Variants in ABCB5 observed in about 807,000 individuals in gnomAD.
ABCB5 encodes the protein ATP-binding cassette sub-family B member 5.
ABCB5 carries 155 observed loss-of-function variants against 144.2 expected under a neutral mutation model. The ratio of observed to expected loss-of-function variants is 1.08; its 90% CI spans 0.94 to 1.23. The LOEUF is 1.23. Ranked by LOEUF, ABCB5 falls within the 50% of genes most tolerant of loss-of-function variation. The pLI is 0.00. For synonymous variants in ABCB5, 610 were observed against 528.6 expected, an observed-to-expected ratio of 1.15 and a Z score of -2.11; for missense variants, 1,830 against 1,520.8, an observed-to-expected ratio of 1.20 and a Z score of -3.38.
chr7:20,618,386 G>T (rs1330776815), intron 1 of ABCB5, among the ~76,000 whole-genome samples: 1 of 152,056 alleles, frequency 6.6e-6, no homozygotes, highest in Middle Eastern at 3.2e-3. Flanking sequence ...CATTTATATG[G>T]CTATCTTCAC....
intron 11 of ABCB5, among the ~76,000 whole-genome samples, chr7:20,649,031 T>A (rs568235253): frequency 6.6e-6 from 1 of 152,130 alleles, no homozygotes; most frequent in Admixed American, 6.5e-5. Flanking sequence ...GTTCTTTGGG[T>A]TTTAAACAAC....
At chr7:20,642,615 C>A (rs1163355242) in intron 5 of ABCB5, among the ~76,000 whole-genome samples, 2 of 152,208 alleles carry the variant, frequency 1.3e-5, no homozygotes, top group African/African-American at 4.8e-5. Flanking sequence ...GACCCTCACA[C>A]ATAGTGGGCA....
intron 14 of ABCB5, among the ~76,000 whole-genome samples, chr7:20,663,548 A>G (rs1055368945): frequency 1.3e-5 from 2 of 152,116 alleles, no homozygotes; most frequent in African/African-American, 4.8e-5. Context: ...AAATTCAGAG[A>G]TGGAAAGTAG....
In ABCB5 at chr7:20,745,332, C is replaced by T; in HGVS notation, c.3323C>T (p.Ala1108Val). 6.2e-7 allele frequency: 1 copy of T among 1,614,116 alleles called. No individual in the cohort carries two copies. Among genetic ancestry groups the T allele is most frequent in the Admixed American group, 1.7e-5 (1 of 60,012 alleles). ...QEPVLFNCSI[A>V]ENIAYGDNSR... ...CCTGTGCTCTTCAACTGCAGCATTG[C>T]TGAGAACATCGCCTATGGTGACAAC... The change falls in exon 26 of 28, where the codon GCT becomes GTT. Residue 1108 changes from alanine (A) to valine (V), a missense_variant. By Grantham distance (64) the Ala-to-Val change is moderately conservative. Coordinates refer to ENST00000404938, the MANE Select transcript of ABCB5 (RefSeq NM_001163941.2).
rs1781924863 is a variant in ABCB5, at chr7:20,723,048, A to C, written c.2454A>C (p.Gln818His). 1 of 1,614,024 alleles carries C rather than the reference A, an allele frequency of 6.2e-7. No homozygotes were observed. The highest frequency in any genetic ancestry group is 1.3e-5 in the African/African-American group (1 of 74,924). Residue 818 changes from glutamine (Q) to histidine (H), a missense_variant, in exon 21 of 28, where the codon CAA becomes CAC. By Grantham distance (24) the Gln-to-His change is conservative (BLOSUM62 0). Transcript: ENST00000404938. ...ATGSRIGVLT[Q>H]NATNMGLSVI... ...GTTCCAGGATTGGCGTCTTAACACA[A>C]AATGCAACTAACATGGGACTTTCAG...
chr7:20,755,177 G>C (rs112864445), intron 27 of ABCB5, among the ~76,000 whole-genome samples: 10 of 152,306 alleles, frequency 6.6e-5, no homozygotes, highest in African/African-American at 2.4e-4. Flanking sequence ...TCGAACTCCT[G>C]ACCTCAGGTG....
chr7:20,722,038 T>A (rs533762577), intron 20 of ABCB5, among the ~76,000 whole-genome samples: 2 of 152,336 alleles, frequency 1.3e-5, no homozygotes, highest in South Asian at 4.1e-4. Context: ...TGTATAAAAT[T>A]CCTAGCAAAT....
chr7:20,687,138 G>A (rs961139143), intron 16 of ABCB5, among the ~76,000 whole-genome samples: 2 of 152,160 alleles, frequency 1.3e-5, no homozygotes, highest in African/African-American at 4.8e-5. Context: ...TTTGTACTGA[G>A]ACACTAGGCA....
At chr7:20,681,991 G>C (rs1415277721) in intron 15 of ABCB5, among the ~76,000 whole-genome samples, 2 of 152,120 alleles carry the variant, frequency 1.3e-5, no homozygotes, top group Non-Finnish European at 2.9e-5. Flanking sequence ...CGGATCATGA[G>C]GTCAGGAGAT....
chr7:20,706,888 G>A (rs891394370), intron 20 of ABCB5, among the ~76,000 whole-genome samples: 2 of 152,102 alleles, frequency 1.3e-5, no homozygotes, highest in African/African-American at 4.8e-5. Flanking sequence ...AACAATCGAA[G>A]AAAGATTTCA....
chr7:20,628,534 C>A (rs1031262573), intron 3 of ABCB5, among the ~76,000 whole-genome samples, 154 bp from the exon 4 acceptor site: 2 of 152,004 alleles, frequency 1.3e-5, no homozygotes, highest in African/African-American at 4.8e-5. Flanking sequence ...GATATAAATA[C>A]ATATCTATGA....
In ABCB5 at chr7:20,739,101, C is replaced by A. The variant is rs776304461; in HGVS notation, c.2986C>A (p.Pro996Thr). 1.2e-6 allele frequency: 2 copies of A among 1,608,458 alleles called. No individual in the cohort carries two copies. The highest frequency in any genetic ancestry group is 2.2e-5 in the East Asian group (1 of 44,592). The change falls in exon 24 of 28, where the codon CCA (proline) becomes ACA (threonine). Residue 996 changes from proline to threonine, a missense_variant. By Grantham distance (38) the Pro-to-Thr change is conservative. Transcript: ENST00000404938. ...TCTGTTTGCCTTGTTGGAAAAGAAA[C>A]CAAATATAGACAGCCGCAGTCAAGA... ...AHLFALLEKK[P>T]NIDSRSQEGK... is the part of the protein sequence containing the mutation.
intron 5 of ABCB5, among the ~76,000 whole-genome samples, chr7:20,634,183 C>CAAAA (rs11389031): frequency 1.7e-4 from 24 of 144,954 alleles, no homozygotes; most frequent in Admixed American, 6.9e-4. Context: ...CATGTTGCTG[C>CAAAA]AAAAAAAAAA....
chr7:20,728,691 C>T (rs1782117777), intron 23 of ABCB5, among the ~76,000 whole-genome samples: 2 of 152,264 alleles, frequency 1.3e-5, no homozygotes, highest in South Asian at 4.2e-4. Flanking sequence ...GAAATGGAGG[C>T]TGCAGTGAGC....
intron 20 of ABCB5, among the ~76,000 whole-genome samples, chr7:20,713,890 C>T (rs529671197): frequency 2.3e-5 from 3 of 130,350 alleles, no homozygotes; most frequent in Admixed American, 7.4e-5. Flanking sequence ...GAATCTCTCT[C>T]TTCTCTAGTA....
intron 3 of ABCB5, among the ~76,000 whole-genome samples, chr7:20,627,734 G>T (rs968318980): frequency 6.6e-6 from 1 of 151,780 alleles, no homozygotes; most frequent in African/African-American, 2.4e-5. Context: ...AAAAATCTAA[G>T]GAATTTAAAA....
At chr7:20,731,879 C>T (rs994069949) in intron 23 of ABCB5, among the ~76,000 whole-genome samples, 2 of 152,196 alleles carry the variant, frequency 1.3e-5, no homozygotes, top group South Asian at 4.1e-4. Flanking sequence ...ACCACTGCAA[C>T]AACCTCACCA....
At chr7:20,641,358 C>G (rs1347878799) in intron 5 of ABCB5, among the ~76,000 whole-genome samples, 2 of 151,010 alleles carry the variant, frequency 1.3e-5, no homozygotes, top group Non-Finnish European at 3.0e-5. Context: ...GCAAAACACA[C>G]ACACACACAC....
chr7:20,722,119 T>C (rs1335077262), intron 20 of ABCB5, among the ~76,000 whole-genome samples: 1 of 152,246 alleles, frequency 6.6e-6, no homozygotes, highest in Non-Finnish European at 1.5e-5. Flanking sequence ...CTTTAGTTTT[T>C]TGTTAATAGT....
Sources: allele counts gnomAD v4.1 joint callset (sites outside exome capture counted in the v4.1 genomes callset), GRCh38; gene constraint gnomAD v4.1.1; transcripts MANE v1.5; gene names NCBI Gene and HGNC (gene_info 2026-07-23, HGNC 2026-07-21).